Variants in PTPRD observed in about 807,000 individuals in gnomAD.
The protein encoded by PTPRD is protein tyrosine phosphatase receptor type D.
In PTPRD, 34 loss-of-function variants were observed where a neutral mutation model predicts 214.5. The ratio of observed to expected loss-of-function variants is 0.16; its 90% CI spans 0.12 to 0.21. The LOEUF is 0.21. Ranked by LOEUF, PTPRD falls within the 10% of genes least tolerant of loss-of-function variation. The pLI is 1.00. For synonymous variants in PTPRD, 1,128 were observed against 845.7 expected (o/e 1.33, Z -5.79); for missense variants, 2,545 against 2,398.7 (o/e 1.06, Z -1.27).
At chr9:9,205,049 G>A (rs554551624) in intron 9 of PTPRD, among the ~76,000 whole-genome samples, 23 of 151,984 alleles carry the variant, frequency 1.5e-4, no homozygotes, top group African/African-American at 5.1e-4. Context: ...TAATCTAATG[G>A]GAATTTAATA....
chr9:9,000,508 C>T (rs1479338281), intron 11 of PTPRD, among the ~76,000 whole-genome samples: 2 of 151,872 alleles, frequency 1.3e-5, no homozygotes, highest in African/African-American at 4.8e-5. Context: ...AACCTATTAA[C>T]CTTTTTAAAA....
At chr9:9,481,560 A>C (rs1395911588) in intron 8 of PTPRD, among the ~76,000 whole-genome samples, 1 of 152,176 alleles carries the variant, frequency 6.6e-6, no homozygotes, top group African/African-American at 2.4e-5. Context: ...CAGAAGAAAA[A>C]TGAATATAAA....
At chr9:8,508,761 T>C (rs181398183) in intron 21 of PTPRD, among the ~76,000 whole-genome samples, 3 of 152,300 alleles carry the variant, frequency 2.0e-5, no homozygotes, top group African/African-American at 7.2e-5. Context: ...TTTATAGTTA[T>C]GTCTGTGTAC....
chr9:9,067,267 G>C (rs2099736192), intron 10 of PTPRD, among the ~76,000 whole-genome samples: 1 of 152,074 alleles, frequency 6.6e-6, no homozygotes, highest in South Asian at 2.1e-4. Context: ...AAAAAAACTT[G>C]TCTTAATACT....
chr9:9,471,504 C>T (rs2094584250), intron 8 of PTPRD, among the ~76,000 whole-genome samples: 2 of 151,896 alleles, frequency 1.3e-5, no homozygotes, highest in Admixed American at 6.6e-5. Context: ...AAAAATGCTC[C>T]CTGAATGAAC....
intron 2 of PTPRD, among the ~76,000 whole-genome samples, chr9:10,374,915 G>C (rs1179103440): frequency 2.6e-5 from 4 of 151,882 alleles, no homozygotes; most frequent in Admixed American, 1.3e-4. Context: ...CAATAATTTG[G>C]AACTGCAGTG....
intron 12 of PTPRD, among the ~76,000 whole-genome samples, chr9:8,647,835 G>C (rs1264091793): frequency 1.3e-5 from 2 of 151,986 alleles, no homozygotes; most frequent in Non-Finnish European, 2.9e-5. Flanking sequence ...CCAAAATAAT[G>C]AATTGCAAAC....
intron 10 of PTPRD, among the ~76,000 whole-genome samples, chr9:9,075,803 T>G (rs2099750254): frequency 6.6e-6 from 1 of 152,186 alleles, no homozygotes; most frequent in South Asian, 2.1e-4. Context: ...CTTAATTCAG[T>G]CTTTCATTGA....
Position 8,790,327 on chromosome 9 carries a change from AAAAT to A in PTPRD, c.-103-56385_-103-56382del, listed in dbSNP as rs961726949. 2.6e-5 allele frequency among the ~76,000 whole-genome samples: 4 copies of A among 152,274 alleles called. No individual in the cohort carries two copies. The South Asian group carries it at 6.2e-4, about 24-fold the overall frequency. ...CGCTGCACTTGGCCTCATTTATAAA[AAAAT>A]AAATAAATTTATTATTTATTATACA... On this transcript the variant is annotated intron_variant, in intron 11 of 45. Transcript: ENST00000381196.
chr9:9,070,915 T>C (rs1314430691), intron 10 of PTPRD, among the ~76,000 whole-genome samples: 4 of 152,062 alleles, frequency 2.6e-5, no homozygotes, highest in Non-Finnish European at 4.4e-5. Context: ...TTATTATGAT[T>C]ATTATTGAGA....
chr9:8,688,274 A>C (rs2097725766), intron 12 of PTPRD, among the ~76,000 whole-genome samples: 1 of 152,220 alleles, frequency 6.6e-6, no homozygotes, highest in South Asian at 2.1e-4. Flanking sequence ...TGGTTCAAAA[A>C]GGAAAAATAT....
chr9:8,767,081 C>G (rs1209992733), intron 11 of PTPRD, among the ~76,000 whole-genome samples: 1 of 151,990 alleles, frequency 6.6e-6, no homozygotes, highest in Non-Finnish European at 1.5e-5. Flanking sequence ...AATGAAGAAC[C>G]GCATATGTAA....
intron 12 of PTPRD, among the ~76,000 whole-genome samples, chr9:8,690,523 C>T (rs895478884): frequency 1.2e-4 from 12 of 102,100 alleles, no homozygotes; most frequent in African/African-American, 6.2e-4. Flanking sequence ...AGCAAGACTC[C>T]GTCTCAAAAA....
intron 3 of PTPRD, among the ~76,000 whole-genome samples, chr9:10,268,111 C>G (rs912734231): frequency 7.4e-6 from 1 of 135,586 alleles, no homozygotes; most frequent in Non-Finnish European, 1.6e-5. Flanking sequence ...ACCCCCATCT[C>G]CATCTTTTTT....
At chr9:9,015,318 G>T (rs1356166675) in intron 11 of PTPRD, among the ~76,000 whole-genome samples, 1 of 152,080 alleles carries the variant, frequency 6.6e-6, no homozygotes, top group African/African-American at 2.4e-5. Flanking sequence ...GATAAAATAG[G>T]TTGCAGTAAA....
chr9:9,630,429 C>T (rs903891361), intron 7 of PTPRD, among the ~76,000 whole-genome samples: 6 of 152,206 alleles, frequency 3.9e-5, no homozygotes, highest in African/African-American at 1.4e-4. Flanking sequence ...TTTTCCTACA[C>T]CTTCTACTTC....
In PTPRD at chr9:9,787,772, TTTA is replaced by T. The variant is rs373362978; in HGVS notation, c.-367-20924_-367-20922del. Among the ~76,000 whole-genome samples the T allele has an allele frequency of 1.7e-3, 247 of 149,096 alleles. 2 individuals are homozygous for T. Among genetic ancestry groups the T allele is most frequent in the African/African-American group, 5.1e-3 (209 of 40,686 alleles). On this transcript the variant is annotated intron_variant, in intron 5 of 45. Transcript: ENST00000381196. Reference sequence around the variant, plus strand: ...CTGAACAACGTATATCAATTTTTTATTTATTATTATTATTATTATTATTATTTG... The same window carrying T: ...CTGAACAACGTATATCAATTTTTTATTTATTATTATTATTATTATTATTTG...
intron 9 of PTPRD, among the ~76,000 whole-genome samples, chr9:9,188,010 G>A (rs1040297785): frequency 9.9e-5 from 15 of 151,904 alleles, no homozygotes; most frequent in East Asian, 3.9e-4. Context: ...CACCACCCAC[G>A]TCAAGATATA....
intron 2 of PTPRD, among the ~76,000 whole-genome samples, chr9:10,528,748 G>C (rs2055138287): frequency 6.6e-6 from 1 of 152,104 alleles, no homozygotes; most frequent in Non-Finnish European, 1.5e-5. Context: ...AGGCAGTTGA[G>C]ATTTAACTGT....
Sources: gnomAD v4.1 joint callset for allele counts (sites outside exome capture counted in the v4.1 genomes callset) on GRCh38, gnomAD v4.1.1 for gene constraint, MANE v1.5 for transcripts, NCBI Gene and HGNC (gene_info 2026-07-23, HGNC 2026-07-21) for gene names.